TOPAZ1: variants seen among roughly 807,000 people sequenced by gnomAD.
TOPAZ1 encodes protein TOPAZ1.
TOPAZ1 carries 66 observed loss-of-function variants against 172.2 expected under a neutral mutation model. The ratio of observed to expected loss-of-function variants is 0.38; its 90% confidence interval spans 0.31 to 0.47. The LOEUF (loss-of-function observed/expected upper bound fraction) is 0.47. Ranked by LOEUF, TOPAZ1 falls within the 20% of genes least tolerant of loss-of-function variation. The pLI is 0.99. For missense variants in TOPAZ1, 1,822 were observed against 1,972.4 expected, an observed-to-expected ratio of 0.92 and a Z score of 1.44; for synonymous variants, 681 against 683.9, an observed-to-expected ratio of 1.00 and a Z score of 0.07.
At chr3:44,297,468 T>C (rs761766849) in intron 12 of TOPAZ1, among the ~76,000 whole-genome samples, 2 of 152,176 alleles carry the variant, frequency 1.3e-5, no homozygotes, top group Non-Finnish European at 2.9e-5. Context: ...GTCAGCAAAT[T>C]ATGAATAAAG....
chr3:44,260,656 G>A (rs544450451), intron 4 of TOPAZ1, among the ~76,000 whole-genome samples: 1 of 152,020 alleles, frequency 6.6e-6, no homozygotes, highest in Non-Finnish European at 1.5e-5. Flanking sequence ...AATATTTATA[G>A]TCAAACCATT....
rs985760489 is a variant in TOPAZ1, at chr3:44,266,954, A to G, written c.3021-43A>G. The G allele has an allele frequency of 3.5e-6, 5 of 1,410,390 alleles. No homozygotes were observed. In the Admixed American group the frequency reaches 8.0e-5, roughly 23 times the overall value. The allele number at this position is 1,410,390 out of a possible 1,614,324, so 87.4% of individuals were successfully genotyped here. On this transcript the variant is annotated intron_variant, in intron 5 of 19. Transcript: ENST00000309765. ...CTGCAAAGCATTACTTTAATGTTTA[A>G]AAATACATTTAAATTCTGATGTTAA...
chr3:44,279,723 G>A (rs1575718697), intron 8 of TOPAZ1, among the ~76,000 whole-genome samples: 1 of 151,910 alleles, frequency 6.6e-6, no homozygotes, highest in East Asian at 1.9e-4. Context: ...ATGAGTTTCT[G>A]GTAAGTAGCA....
At chr3:44,300,392 C>T (rs1318466656) in intron 12 of TOPAZ1, among the ~76,000 whole-genome samples, 2 of 151,666 alleles carry the variant, frequency 1.3e-5, no homozygotes, top group South Asian at 2.1e-4. Context: ...CGTGCCACTG[C>T]ACTCCAGCTT....
chr3:44,274,466 A>G (rs1699931168), intron 8 of TOPAZ1, among the ~76,000 whole-genome samples: 1 of 152,102 alleles, frequency 6.6e-6, no homozygotes, highest in South Asian at 2.1e-4. Context: ...AGTAAAAGAA[A>G]CATAATAATA....
chr3:44,267,943 A>G (rs1278234199), intron 6 of TOPAZ1, among the ~76,000 whole-genome samples: 1 of 152,236 alleles, frequency 6.6e-6, no homozygotes, highest in Non-Finnish European at 1.5e-5. Flanking sequence ...CATAATGCAA[A>G]TTACTGTGAA....
At chr3:44,305,008 T>A (rs2125699742) in intron 13 of TOPAZ1, 139 bp from the exon 14 acceptor site, 2 of 612,364 alleles carry the variant, frequency 3.3e-6, no homozygotes, top group East Asian at 3.0e-5. Flanking sequence ...GTTGGTAAGC[T>A]TATAAGATGT....
intron 12 of TOPAZ1, among the ~76,000 whole-genome samples, chr3:44,291,127 G>A (rs995728259): frequency 1.3e-5 from 2 of 151,960 alleles, no homozygotes; most frequent in Non-Finnish European, 2.9e-5. Flanking sequence ...AGTGTAAAAA[G>A]AGTGTCTTTT....
chr3:44,313,386 C>T (rs569779314), intron 16 of TOPAZ1, among the ~76,000 whole-genome samples: 3 of 151,742 alleles, frequency 2.0e-5, no homozygotes, highest in East Asian at 1.9e-4. Flanking sequence ...CCGAGGCGGG[C>T]GGATCACGAG....
In TOPAZ1 at chr3:44,245,198, G is replaced by T. The variant is rs1699549166; in HGVS notation, c.2692G>T (p.Ala898Ser). 6.4e-7 allele frequency: 1 copy of T among 1,551,668 alleles called. No homozygotes were observed. Among genetic ancestry groups the T allele is most frequent in the South Asian group, 1.2e-5 (1 of 83,980 alleles). ...VPKISQEPNV[A>S]GEHQSTDSKY... ...AAAGATAAGCCAGGAGCCCAATGTT[G>T]CTGGAGAGCACCAATCAACAGACTC... The change falls in exon 2 of 20, where the codon GCT becomes TCT. Residue 898 changes from alanine (A) to serine (S), a missense_variant. Physicochemically the swap from Ala to Ser is moderately conservative, Grantham distance 99. Around this residue, in one of 2 missense-constraint regions of TOPAZ1, gnomAD observed 1,489 missense variants for 1,490.8 expected, o/e 1.00. Transcript: ENST00000309765.
chr3:44,260,922 A>G (rs2125682598), intron 4 of TOPAZ1, among the ~76,000 whole-genome samples: 1 of 152,208 alleles, frequency 6.6e-6, no homozygotes, highest in South Asian at 2.1e-4. Flanking sequence ...ATTTCCTCCT[A>G]AATTTCAAGT....
intron 12 of TOPAZ1, among the ~76,000 whole-genome samples, chr3:44,292,840 C>T (rs1305808932): frequency 2.0e-5 from 3 of 152,174 alleles, no homozygotes; most frequent in Non-Finnish European, 4.4e-5. Flanking sequence ...CTATACATTT[C>T]TGTTAACTGT....
intron 12 of TOPAZ1, among the ~76,000 whole-genome samples, chr3:44,291,514 T>G (rs1700137459): frequency 6.6e-6 from 1 of 151,654 alleles, no homozygotes; most frequent in Non-Finnish European, 1.5e-5. Context: ...GGCAGGAGAA[T>G]CACTTGAATC....
At chr3:44,246,404 T>C (rs771478280) in intron 2 of TOPAZ1, among the ~76,000 whole-genome samples, 31 of 152,226 alleles carry the variant, frequency 2.0e-4, no homozygotes, top group Non-Finnish European at 3.2e-4. Flanking sequence ...GATTCAGTGG[T>C]ACATGACTTA....
At chr3:44,258,464 C>T (rs13320151) in intron 4 of TOPAZ1, among the ~76,000 whole-genome samples, 1,553 of 152,280 alleles carry the variant, frequency 0.01, 25 homozygotes, top group African/African-American at 0.036. Context: ...TTTCCTCCAT[C>T]GCCCATTCCT....
chr3:44,252,460 T>C (rs1699645197), intron 2 of TOPAZ1, among the ~76,000 whole-genome samples: 1 of 152,158 alleles, frequency 6.6e-6, no homozygotes, highest in African/African-American at 2.4e-5. Flanking sequence ...CACGTGGGGG[T>C]AGTCTAAATT....
At chr3:44,318,000 T>C (rs1419672459) in intron 16 of TOPAZ1, among the ~76,000 whole-genome samples, 1 of 152,216 alleles carries the variant, frequency 6.6e-6, no homozygotes, top group Non-Finnish European at 1.5e-5. Context: ...AACAGAGGTT[T>C]GATTGTGTTT....
At position 44,244,739 on chromosome 3, in the gene TOPAZ1, T is replaced by C. The variant is rs1288016918; in HGVS notation, c.2233T>C (p.Leu745=). The C allele has an allele frequency of 2.6e-6, 4 of 1,551,438 alleles. No homozygotes were observed. Among genetic ancestry groups the C allele is most frequent in the Admixed American group, 2.0e-5 (1 of 50,982 alleles). ...VSMMMLGPQT[L]SIRNSVTPVQ... ...CATGATGATGTTAGGACCTCAAACT[T>C]TGAGCATACGAAATAGTGTAACTCC... The change falls in exon 2 of 20, where the codon TTG becomes CTG. Residue 745 remains leucine (L), a synonymous_variant. Coordinates refer to ENST00000309765, the MANE Select transcript of TOPAZ1 (RefSeq NM_001145030.2).
chr3:44,274,314 T>G (rs1699928542), intron 8 of TOPAZ1, among the ~76,000 whole-genome samples: 1 of 150,784 alleles, frequency 6.6e-6, no homozygotes, highest in South Asian at 2.1e-4. Flanking sequence ...GGTAGGAGTA[T>G]CACTTGAACC....
Sources: allele counts gnomAD v4.1 joint callset (sites outside exome capture counted in the v4.1 genomes callset), GRCh38; gene constraint gnomAD v4.1.1; regional missense constraint gnomAD v4.1.1; transcripts MANE v1.5; gene names NCBI Gene and HGNC (gene_info 2026-07-23, HGNC 2026-07-21).